ME3: variants seen among roughly 807,000 people sequenced by gnomAD.
The protein encoded by ME3 is malic enzyme 3, also known as NADP-dependent malic enzyme, mitochondrial.
ME3 carries 48 observed loss-of-function variants against 68.9 expected under a neutral mutation model. The observed-to-expected ratio is 0.70, with a 90% CI of 0.55 to 0.89. The LOEUF (loss-of-function observed/expected upper bound fraction) is 0.89, where lower values mean the gene tolerates loss of function less well. ME3 is among the 40% of genes least tolerant of loss of function. ME3 has a pLI of 0.00. For missense variants in ME3, 675 were observed against 797.4 expected (o/e 0.85, Z 1.85); for synonymous variants, 320 against 318.8 (o/e 1.00, Z -0.04).
In ME3 at chr11:86,539,493, C is replaced by T. The variant is rs562548556; in HGVS notation, c.467+17060G>A. 3.9e-5 allele frequency among the ~76,000 whole-genome samples: 6 copies of T among 152,238 alleles called. No individual in the cohort carries two copies. The South Asian group carries it at 8.3e-4, about 21-fold the overall frequency. Reference sequence around the variant, plus strand: ...AAAAACAGAGACCATCAATGAATATCCTTATTTCATTTGAATCATACATGT... The same window carrying T: ...AAAAACAGAGACCATCAATGAATATTCTTATTTCATTTGAATCATACATGT... On this transcript the variant is annotated intron_variant, in intron 4 of 14. Transcript: ENST00000543262.
At chr11:86,471,625 G>A (rs1950788771) in intron 7 of ME3, among the ~76,000 whole-genome samples, 1 of 152,040 alleles carries the variant, frequency 6.6e-6, no homozygotes, top group African/African-American at 2.4e-5. Flanking sequence ...TATCTTCTTT[G>A]TGCCAGAAAC....
chr11:86,671,528 G>A (rs1946940981), intron 2 of ME3, among the ~76,000 whole-genome samples: 1 of 152,250 alleles, frequency 6.6e-6, no homozygotes, highest in African/African-American at 2.4e-5. Context: ...GGTCTGTGTT[G>A]TTACTGCAGA....
At chr11:86,555,268 A>G (rs1956872051) in intron 4 of ME3, among the ~76,000 whole-genome samples, 1 of 152,218 alleles carries the variant, frequency 6.6e-6, no homozygotes, top group Non-Finnish European at 1.5e-5. Context: ...GAGCTGCTAA[A>G]TGCCTCAGAT....
At chr11:86,450,802 AC>A (rs1463450828) in intron 8 of ME3, among the ~76,000 whole-genome samples, 6 of 152,206 alleles carry the variant, frequency 3.9e-5, no homozygotes, top group African/African-American at 1.4e-4. Context: ...GCATTAAATG[AC>A]CATATGGCCT....
chr11:86,437,488 T>C (rs567094021), downstream of ME3, among the ~76,000 whole-genome samples: 27 of 152,278 alleles, frequency 1.8e-4, no homozygotes, highest in South Asian at 4.1e-3. Flanking sequence ...AATCAGCCTG[T>C]AAGTTTCCAC....
At chr11:86,513,715 A>G (rs1188093633) in intron 4 of ME3, among the ~76,000 whole-genome samples, 1 of 152,162 alleles carries the variant, frequency 6.6e-6, no homozygotes, top group African/African-American at 2.4e-5. Flanking sequence ...ATGATAAGCA[A>G]ATGTATTGCA....
At chr11:86,520,477 A>C (rs1016224178) in intron 4 of ME3, among the ~76,000 whole-genome samples, 7 of 152,206 alleles carry the variant, frequency 4.6e-5, no homozygotes, top group Admixed American at 4.6e-4. Flanking sequence ...AAAACCTTGC[A>C]ATGGGGTATA....
At chr11:86,552,288 A>G (rs1956728107) in intron 4 of ME3, among the ~76,000 whole-genome samples, 1 of 152,220 alleles carries the variant, frequency 6.6e-6, no homozygotes, top group East Asian at 1.9e-4. Flanking sequence ...CCTGGCTTCA[A>G]AGTCCGTGCT....
At chr11:86,661,115 C>T (rs970482176) in intron 2 of ME3, among the ~76,000 whole-genome samples, 4 of 152,148 alleles carry the variant, frequency 2.6e-5, no homozygotes, top group Non-Finnish European at 5.9e-5. Flanking sequence ...TATGAGATGC[C>T]CACGACAGTC....
intron 8 of ME3, among the ~76,000 whole-genome samples, chr11:86,460,104 A>G (rs1950157285): frequency 6.6e-6 from 1 of 152,192 alleles, no homozygotes; most frequent in Non-Finnish European, 1.5e-5. Context: ...CCCTAAGAGC[A>G]GAGATGCTTC....
At chr11:86,586,446 G>A (rs1305318050) in intron 2 of ME3, among the ~76,000 whole-genome samples, 1 of 152,150 alleles carries the variant, frequency 6.6e-6, no homozygotes, top group Non-Finnish European at 1.5e-5. Flanking sequence ...ACAAGATGCC[G>A]AGGTCCAGGG....
At chr11:86,499,949 T>C (rs1208189607) in intron 5 of ME3, among the ~76,000 whole-genome samples, 1 of 152,252 alleles carries the variant, frequency 6.6e-6, no homozygotes, top group African/African-American at 2.4e-5. Context: ...TAGATGACTT[T>C]GCAAGGTCAT....
intron 2 of ME3, among the ~76,000 whole-genome samples, chr11:86,658,914 C>T (rs760036092): frequency 1.1e-4 from 17 of 152,200 alleles, no homozygotes; most frequent in African/African-American, 4.1e-4. Context: ...CATCTCTACT[C>T]CTGTTTCATC....
intron 8 of ME3, among the ~76,000 whole-genome samples, chr11:86,453,620 AT>A (rs1365138997): frequency 6.6e-6 from 1 of 152,198 alleles, no homozygotes; most frequent in Non-Finnish European, 1.5e-5. Context: ...AAACAACAAG[AT>A]TTTTTTAAGT....
intron 2 of ME3, among the ~76,000 whole-genome samples, chr11:86,633,054 G>A (rs1218679448): frequency 1.3e-5 from 2 of 152,152 alleles, no homozygotes; most frequent in African/African-American, 4.8e-5. Context: ...AAACTGCTGT[G>A]AGTCCGATAT....
chr11:86,637,967 T>TACACACACACACACACACACACACACAC (rs5793205), intron 2 of ME3, among the ~76,000 whole-genome samples: 8 of 145,054 alleles, frequency 5.5e-5, no homozygotes, highest in African/African-American at 2.1e-4. Flanking sequence ...TGCTCATGCA[T>TACACACACACACACACACACACACACAC]ACACACACAC....
intron 4 of ME3, among the ~76,000 whole-genome samples, chr11:86,524,914 C>A (rs1226308275): frequency 6.6e-6 from 1 of 152,174 alleles, no homozygotes; most frequent in East Asian, 1.9e-4. Context: ...TAAGTTCCGC[C>A]TCCAAACTAC....
At chr11:86,619,141 A>G (rs1943184744) in intron 2 of ME3, among the ~76,000 whole-genome samples, 1 of 152,164 alleles carries the variant, frequency 6.6e-6, no homozygotes, top group Non-Finnish European at 1.5e-5. Context: ...GCCTCCCCAG[A>G]AGCAGATGTC....
chr11:86,436,796 C>T (rs1273108926), downstream of ME3: 1 of 152,044 alleles, frequency 6.6e-6, no homozygotes, highest in Non-Finnish European at 1.5e-5. Context: ...TCTCTTTCCC[C>T]CAATGAATTA....
Sources: gnomAD v4.1 joint callset for allele counts (sites outside exome capture counted in the v4.1 genomes callset) on GRCh38, gnomAD v4.1.1 for gene constraint, MANE v1.5 for transcripts, NCBI Gene and HGNC (gene_info 2026-07-23, HGNC 2026-07-21) for gene names.